EVC2: variants seen among roughly 807,000 people sequenced by gnomAD.
EVC2 encodes the protein limbin.
EVC2 carries 148 observed loss-of-function variants against 149.3 expected under a neutral mutation model. That is an observed-to-expected ratio of 0.99 (90% CI 0.87 to 1.14). The LOEUF (loss-of-function observed/expected upper bound fraction) is 1.14. Among genes scored for constraint, EVC2 ranks in the 50% most tolerant of loss-of-function variants. The pLI is 0.00. For missense variants in EVC2, 1,854 were observed against 1,627.3 expected (o/e 1.14, Z -2.40); for synonymous variants, 776 against 649.9 (o/e 1.19, Z -2.95).
At chr4:5,577,751 G>A (rs1004070911) in intron 17 of EVC2, among the ~76,000 whole-genome samples, 1 of 152,112 alleles carries the variant, frequency 6.6e-6, no homozygotes, top group African/African-American at 2.4e-5. Context: ...CTGGGCCTTC[G>A]AGAACTCCTG....
At chr4:5,532,382 C>A in the EVC2 span, among the ~76,000 whole-genome samples, 99 of 152,294 alleles carry the variant, frequency 6.5e-4, 1 homozygote, top group African/African-American at 2.1e-3. Flanking sequence ...TCCAAAAACA[C>A]CCTCACAGAA....
At position 5,708,372 on chromosome 4, in the gene EVC2, G is replaced by T; in HGVS notation, c.142C>A (p.Arg48=). ...GACCTAGGAGCCACCTGGGGATCCC[G>T]GGGTGGCTGCGCGCCGAGGGGGCGC... ...RWRPLGAQPP[R]DPQVAPRSGP... is the part of the protein sequence containing the mutation. The change falls in exon 1 of 22, where the codon CGG becomes AGG. Residue 48 remains arginine (R), a synonymous_variant. Coordinates refer to ENST00000344408, the MANE Select transcript of EVC2 (RefSeq NM_147127.5). 2 of 1,492,004 alleles carry T rather than the reference G, an allele frequency of 1.3e-6. No individual in the cohort carries two copies. The highest frequency in any genetic ancestry group is 1.8e-6 in the Non-Finnish European group (2 of 1,127,980). The allele number at this position is 1,492,004 out of a possible 1,614,324, so 92.4% of individuals were successfully genotyped here. A position where few individuals can be genotyped will look rare whatever the true frequency, so the allele number is the denominator to read the frequency against.
Position 5,628,714 on chromosome 4 carries a change from C to T in EVC2, c.1731G>A (p.Met577Ile), listed in dbSNP as rs562337541. The T allele has an allele frequency of 4.1e-5, 66 of 1,611,912 alleles. No homozygotes were observed. The highest frequency in any genetic ancestry group is 5.2e-5 in the Non-Finnish European group (61 of 1,179,842). Residue 577 changes from methionine to isoleucine, a missense_variant, in exon 12 of 22, where the codon ATG (methionine) becomes ATA (isoleucine). By Grantham distance (10) the Met-to-Ile change is conservative. Transcript: ENST00000344408. ...SKIQENVEELMDFFQASKRYH... is the reference protein window; with the variant it reads ...SKIQENVEELIDFFQASKRYH... Reference sequence around the variant, plus strand: ...ACCTCTTACTAGCCTGGAAAAAGTCCATTAACTCTTCTACATTCTCCTGTC... The same window carrying T: ...ACCTCTTACTAGCCTGGAAAAAGTCTATTAACTCTTCTACATTCTCCTGTC...
intron 7 of EVC2, 97 bp from the exon 8 acceptor site, chr4:5,665,746 A>T (rs1165237574): frequency 1.5e-5 from 23 of 1,542,592 alleles, no homozygotes; most frequent in Admixed American, 5.7e-5. Flanking sequence ...CCAAGCAGGG[A>T]CCAGGGGACT....
rs180776665 is a variant in EVC2, at chr4:5,686,994, C to T, written c.707-1515G>A. The stretch of plus-strand genomic sequence containing the variant: ...AACAGTGGCCGGGCATGGTGGCTCA[C>T]GCCTGTAATCCTAGCACTTTGGGAG... On this transcript the variant is annotated intron_variant, in intron 5 of 21. Transcript: ENST00000344408. The surrounding 1 kb of genome is among the most constrained non-coding windows in gnomAD (Gnocchi z 5.4). 1.6e-4 allele frequency among the ~76,000 whole-genome samples: 24 copies of T among 152,264 alleles called. No homozygotes were observed. The highest frequency in any genetic ancestry group is 2.4e-4 in the African/African-American group (10 of 41,546).
At position 5,625,610 on chromosome 4, in the gene EVC2, T is replaced by C; in HGVS notation, c.2046+139A>G. 9 of 1,103,276 alleles carry C rather than the reference T, an allele frequency of 8.2e-6. No homozygotes were observed. The highest frequency in any genetic ancestry group is 7.9e-6 in the Non-Finnish European group (6 of 757,380). The allele number at this position is 1,103,276 out of a possible 1,614,324, so 68.3% of individuals were successfully genotyped here. On this transcript the variant is annotated intron_variant, in intron 13 of 21. Coordinates refer to ENST00000344408, the MANE Select transcript of EVC2 (RefSeq NM_147127.5). This position sits in a 1 kb window ranked among gnomAD's most constrained non-coding sequence, Gnocchi z 4.0. ...CCAAAAAGTCGCTACCAATCAACAG[T>C]AGATGGCACATCATGGTGCCTGCCC... is the stretch of plus-strand genomic sequence containing the variant.
intron 12 of EVC2, among the ~76,000 whole-genome samples, chr4:5,626,698 G>A (rs982158029): frequency 9.9e-5 from 15 of 152,210 alleles, no homozygotes; most frequent in Admixed American, 2.6e-4. Context: ...TTAATCAGTG[G>A]ACTCAGTAAA....
chr4:5,535,915 C>G, the EVC2 span, among the ~76,000 whole-genome samples: 1 of 152,080 alleles, frequency 6.6e-6, no homozygotes, highest in Admixed American at 6.5e-5. The surrounding 1 kb of genome is among the most constrained non-coding windows in gnomAD (Gnocchi z 4.7). Flanking sequence ...CAGCCTTTGT[C>G]TTCTACACCT....
At chr4:5,652,963 C>T (rs1718251513) in intron 9 of EVC2, among the ~76,000 whole-genome samples, 1 of 152,124 alleles carries the variant, frequency 6.6e-6, no homozygotes, top group Admixed American at 6.5e-5. Context: ...GCCAACAGTC[C>T]AAACTCAAGG....
intron 21 of EVC2, chr4:5,543,351 G>A (rs1052115540): frequency 1.2e-5 from 5 of 408,006 alleles, no homozygotes; most frequent in African/African-American, 6.3e-5. Flanking sequence ...GAAGATCAGG[G>A]TTAAATTCTC....
rs1271244968 is a variant in EVC2, at chr4:5,636,173, T to C, written c.1471-4141A>G. Reference sequence around the variant, plus strand: ...ACCCAGGGTGACTGGGTAACGTGCCTACTGGAGGAAAAGAGGGAGGAAATA... The same window carrying C: ...ACCCAGGGTGACTGGGTAACGTGCCCACTGGAGGAAAAGAGGGAGGAAATA... On this transcript the variant is annotated intron_variant, in intron 10 of 21. Transcript: ENST00000344408. This position sits in a 1 kb window ranked among gnomAD's most constrained non-coding sequence, Gnocchi z 4.6. 6.6e-6 allele frequency among the ~76,000 whole-genome samples: 1 copy of C among 152,162 alleles called. No individual in the cohort carries two copies. The highest frequency in any genetic ancestry group is 2.4e-5 in the African/African-American group (1 of 41,434).
At chr4:5,635,884 AG>A (rs1716862306) in intron 10 of EVC2, among the ~76,000 whole-genome samples, 1 of 152,200 alleles carries the variant, frequency 6.6e-6, no homozygotes, top group Admixed American at 6.5e-5. Context: ...AACTGGATGC[AG>A]GAAGCTGGAT....
rs144902778 is a variant in EVC2 at position 5,697,938 on chromosome 4, A to C, written c.229-291T>G. 0.017 allele frequency among the ~76,000 whole-genome samples: 2,605 copies of C among 151,796 alleles called. 69 individuals are homozygous for C. Among genetic ancestry groups the C allele is most frequent in the African/African-American group, 0.06 (2,460 of 41,334 alleles). On this transcript the variant is annotated intron_variant, in intron 1 of 21. Coordinates refer to ENST00000344408, the MANE Select transcript of EVC2 (RefSeq NM_147127.5). Reference sequence around the variant, plus strand: ...TTTTTTTGTTTTGTATTTTTAGTAGAGACGGGGTTTCACCATATTAGTCAG... The same window carrying C: ...TTTTTTTGTTTTGTATTTTTAGTAGCGACGGGGTTTCACCATATTAGTCAG...
chr4:5,536,586 C>T, the EVC2 span, among the ~76,000 whole-genome samples: 12 of 152,016 alleles, frequency 7.9e-5, no homozygotes, highest in Non-Finnish European at 8.8e-5. Flanking sequence ...AGATCGAGAC[C>T]ATCTTGGCTA....
At chr4:5,599,226 T>C (rs1451246169) in intron 16 of EVC2, among the ~76,000 whole-genome samples, 1 of 150,612 alleles carries the variant, frequency 6.6e-6, no homozygotes, top group Non-Finnish European at 1.5e-5. Context: ...ACTGGGTATA[T>C]ACCCAAAGGT....
chr4:5,649,833 G>A (rs1158703455), intron 9 of EVC2, among the ~76,000 whole-genome samples: 1 of 152,070 alleles, frequency 6.6e-6, no homozygotes, highest in Non-Finnish European at 1.5e-5. Context: ...ATTCCTCTCT[G>A]GGACCATCAA....
At chr4:5,577,726 C>T (rs868811699) in intron 17 of EVC2, among the ~76,000 whole-genome samples, 1 of 152,162 alleles carries the variant, frequency 6.6e-6, no homozygotes, top group Non-Finnish European at 1.5e-5. Context: ...TCTATCCCCC[C>T]CAAGCATTTG....
chr4:5,549,258 C>T (rs547777214), intron 21 of EVC2, among the ~76,000 whole-genome samples: 10 of 152,200 alleles, frequency 6.6e-5, no homozygotes, highest in South Asian at 2.1e-4. Flanking sequence ...ACTGGGTACC[C>T]GGGTACGGGA....
At chr4:5,611,096 C>T (rs1263894101) in intron 16 of EVC2, among the ~76,000 whole-genome samples, 1 of 152,084 alleles carries the variant, frequency 6.6e-6, no homozygotes, top group Non-Finnish European at 1.5e-5. Context: ...ATGTCTCTTC[C>T]CCATCTGCCT....
Sources: gnomAD v4.1 joint callset for allele counts (sites outside exome capture counted in the v4.1 genomes callset) on GRCh38, gnomAD v4.1.1 for gene constraint, Gnocchi (gnomAD v3.1) non-coding constraint, MANE v1.5 for transcripts, NCBI Gene and HGNC (gene_info 2026-07-23, HGNC 2026-07-21) for gene names.